The following AS3MT variants were observed in gnomAD, a reference collection of about 807,000 sequenced individuals.
AS3MT encodes S-adenosyl-L-methionine:arsenic(III) methyltransferase.
In AS3MT, 47 loss-of-function variants were observed where a neutral mutation model predicts 45.3. The observed-to-expected ratio is 1.04, with a 90% CI of 0.82 to 1.32. The LOEUF is 1.32. Ranked by LOEUF, AS3MT falls within the 40% of genes most tolerant of loss-of-function variation. The pLI is 0.00. For synonymous variants in AS3MT, 141 were observed against 152.8 expected (o/e 0.92, Z 0.57); for missense variants, 396 against 451.1 (o/e 0.88, Z 1.11).
At position 102,878,641 on chromosome 10, in the gene AS3MT, C is replaced by T. The variant is rs923839598; in HGVS notation, c.742+131C>T. On this transcript the variant is annotated intron_variant, in intron 8 of 10. Coordinates refer to ENST00000369880, the MANE Select transcript of AS3MT (RefSeq NM_020682.4). ...TGTTATCTGGAAATAGCTATCTTGC[C>T]TCCTGTACAATGGTAACCCCCCAAA... 7.2e-6 allele frequency: 10 copies of T among 1,386,008 alleles called. No homozygotes were observed. The South Asian group carries it at 1.3e-4, about 17-fold the overall frequency. The allele number at this position is 1,386,008 out of a possible 1,614,324, so 85.9% of individuals were successfully genotyped here. A position where few individuals can be genotyped will look rare whatever the true frequency, so the allele number is the denominator to read the frequency against.
chr10:102,872,353 CGGAG>C (rs371877430), intron 3 of AS3MT, 91 bp from the exon 4 acceptor site: 327 of 1,287,654 alleles, frequency 2.5e-4, no homozygotes, highest in Non-Finnish European at 3.0e-4. Flanking sequence ...AAGGAAGGAA[CGGAG>C]GGAGGGAGGG....
chr10:102,890,599 G>C lies in AS3MT; in HGVS notation c.941G>C (p.Arg314Thr). The C allele has an allele frequency of 6.2e-7, 1 of 1,612,506 alleles. No homozygotes were observed. ...EETAAILKNS[R>T]FAQDFLIRPI... ...ACAGCAGCTATCTTGAAGAATTCAA[G>C]ATTTGCTCAAGATTTTCTGATCAGA... The change falls in exon 10 of 11, where the codon AGA (arginine) becomes ACA (threonine). Residue 314 changes from arginine (R) to threonine (T), a missense_variant. Arg to Thr is a moderately conservative substitution (Grantham distance 71). Transcript: ENST00000369880.
chr10:102,900,188 T>C (rs17885971), intron 10 of AS3MT, among the ~76,000 whole-genome samples: 8 of 152,262 alleles, frequency 5.3e-5, no homozygotes, highest in Admixed American at 5.2e-4. Flanking sequence ...CAGCCCTACA[T>C]CTGGGACTCA....
rs770985864 is a variant in AS3MT, at chr10:102,874,674, G to A, written c.528+13G>A. The stretch of plus-strand genomic sequence containing the variant: ...TCGGGTGCTGAAGGTGAGGAGGAGA[G>A]TGAGATAAATTATCTTTGAACATCA... On this transcript the variant is annotated intron_variant, in intron 6 of 10. Transcript: ENST00000369880. The A allele has an allele frequency of 2.5e-6, 4 of 1,590,844 alleles. No homozygotes were observed. The Admixed American group carries it at 5.1e-5, about 20-fold the overall frequency.
intron 10 of AS3MT, among the ~76,000 whole-genome samples, chr10:102,896,413 C>G (rs576657517): frequency 2.0e-5 from 3 of 151,124 alleles, no homozygotes; most frequent in Middle Eastern, 3.4e-3. Flanking sequence ...GAAGGTTAAT[C>G]GAACCTAAAA....
At chr10:102,899,283 C>T (rs1022065955) in intron 10 of AS3MT, among the ~76,000 whole-genome samples, 3 of 152,122 alleles carry the variant, frequency 2.0e-5, no homozygotes, top group African/African-American at 7.2e-5. Flanking sequence ...AGTACATGAG[C>T]CACCGCACCA....
intron 10 of AS3MT, among the ~76,000 whole-genome samples, chr10:102,892,171 A>G (rs1252966977): frequency 1.3e-5 from 2 of 152,052 alleles, no homozygotes; most frequent in Non-Finnish European, 2.9e-5. Flanking sequence ...TAGGTTCCTT[A>G]TTCTGTTCTG....
intron 9 of AS3MT, among the ~76,000 whole-genome samples, chr10:102,887,388 A>G (rs1242278592): frequency 2.0e-5 from 3 of 152,134 alleles, no homozygotes; most frequent in Admixed American, 6.6e-5. Flanking sequence ...TTCTGTCTGG[A>G]TGATCTGTTT....
chr10:102,877,573 A>C (rs939878114), intron 7 of AS3MT, among the ~76,000 whole-genome samples: 1 of 150,502 alleles, frequency 6.6e-6, no homozygotes, highest in Non-Finnish European at 1.5e-5. Context: ...AAAAAAAAAA[A>C]AAAAGAAAAA....
intron 7 of AS3MT, 67 bp from the exon 8 acceptor site, chr10:102,878,312 A>C: frequency 6.4e-7 from 1 of 1,566,426 alleles, no homozygotes; most frequent in South Asian, 1.2e-5. Context: ...ATATAGAAGA[A>C]TAGTTCCCTT....
chr10:102,899,031 A>G (rs1349918734), intron 10 of AS3MT, among the ~76,000 whole-genome samples: 1 of 152,196 alleles, frequency 6.6e-6, no homozygotes, highest in African/African-American at 2.4e-5. Flanking sequence ...TTTTTGAACT[A>G]GAAGCATGCA....
intron 3 of AS3MT, among the ~76,000 whole-genome samples, chr10:102,870,479 C>A (rs1844660030): frequency 6.6e-6 from 1 of 152,054 alleles, no homozygotes; most frequent in African/African-American, 2.4e-5. Flanking sequence ...CTGTAGTGTG[C>A]GATCCGGGAT....
At chr10:102,879,768 C>CAA (rs1191489555) in intron 9 of AS3MT, among the ~76,000 whole-genome samples, 85 of 60,464 alleles carry the variant, frequency 1.4e-3, no homozygotes, top group South Asian at 6.2e-3. Context: ...GACTCCATCT[C>CAA]AAAAAAAAAA....
chr10:102,885,508 T>TAGTAGAGA (rs1564793629), intron 9 of AS3MT, among the ~76,000 whole-genome samples: 78 of 16,882 alleles, frequency 4.6e-3, no homozygotes, highest in Non-Finnish European at 6.8e-3. Flanking sequence ...TTTTTTTTTT[T>TAGTAGAGA]TTTTTTTTTT....
chr10:102,896,417 C>T (rs1009816688), intron 10 of AS3MT, among the ~76,000 whole-genome samples: 6 of 151,072 alleles, frequency 4.0e-5, no homozygotes, highest in African/African-American at 1.5e-4. Context: ...GTTAATCGAA[C>T]CTAAAATATA....
intron 9 of AS3MT, among the ~76,000 whole-genome samples, chr10:102,888,779 T>C (rs1052894147): frequency 6.0e-5 from 9 of 150,832 alleles, no homozygotes; most frequent in African/African-American, 2.2e-4. Context: ...TTTTGAAATA[T>C]ACAATATATT....
At chr10:102,894,447 TA>T (rs1437017919) in intron 10 of AS3MT, among the ~76,000 whole-genome samples, 1 of 150,244 alleles carries the variant, frequency 6.7e-6, no homozygotes, top group Non-Finnish European at 1.5e-5. Context: ...AATAAAAAAA[TA>T]AAAAAATAAA....
At chr10:102,894,439 TAA>T (rs143905337) in intron 10 of AS3MT, among the ~76,000 whole-genome samples, 110 of 73,852 alleles carry the variant, frequency 1.5e-3, no homozygotes, top group African/African-American at 4.3e-3. Flanking sequence ...TAAAAAAAAA[TAA>T]AAAAATAAAA....
chr10:102,896,578 C>T (rs541508260), intron 10 of AS3MT, among the ~76,000 whole-genome samples: 25 of 151,632 alleles, frequency 1.6e-4, no homozygotes, highest in Non-Finnish European at 2.7e-4. Context: ...GGAGCCGAGG[C>T]GGGTGGATCA....
Sources: gnomAD v4.1 joint callset for allele counts (sites outside exome capture counted in the v4.1 genomes callset) on GRCh38, gnomAD v4.1.1 for gene constraint, MANE v1.5 for transcripts, NCBI Gene and HGNC (gene_info 2026-07-23, HGNC 2026-07-21) for gene names.